Variants in ELMO2 observed in about 807,000 individuals in gnomAD.
The protein encoded by ELMO2 is engulfment and cell motility protein 2.
Under a neutral mutation model 96.2 loss-of-function variants are expected in ELMO2, and 37 were observed. The observed-to-expected ratio is 0.38, with a 90% CI of 0.30 to 0.51. ELMO2 has a LOEUF of 0.51. Among genes scored for constraint, ELMO2 ranks in the 20% least tolerant of loss-of-function variants. The pLI is 0.88. For missense variants in ELMO2, 561 were observed against 912.6 expected (o/e 0.61, Z 4.96); for synonymous variants, 315 against 329.4 (o/e 0.96, Z 0.47).
chr20:46,377,620 ACC>A (rs1364115504), intron 11 of ELMO2, among the ~76,000 whole-genome samples: 7 of 152,236 alleles, frequency 4.6e-5, no homozygotes, highest in Admixed American at 2.0e-4. Flanking sequence ...ACTGGTGGCC[ACC>A]ATTGTGGACA....
At position 46,375,214 on chromosome 20, in the gene ELMO2, G is replaced by C. The variant is rs112325219; in HGVS notation, c.1065+22C>G. 6 of 1,610,822 alleles carry C rather than the reference G, an allele frequency of 3.7e-6. No individual in the cohort carries two copies. In the Admixed American group the frequency reaches 1.0e-4, roughly 27 times the overall value. On this transcript the variant is annotated intron_variant, in intron 13 of 21. Coordinates refer to ENST00000290246, the MANE Select transcript of ELMO2 (RefSeq NM_133171.5). This position sits in a 1 kb window ranked among gnomAD's most constrained non-coding sequence, Gnocchi z 4.6. ...CCATCAGGGGAGAGGGCCTACCACC[G>C]TCTATGCTCTGAGGTACTTACGGTA...
At chr20:46,388,253 T>G (rs1403004457) in intron 7 of ELMO2, among the ~76,000 whole-genome samples, 1 of 152,216 alleles carries the variant, frequency 6.6e-6, no homozygotes, top group Non-Finnish European at 1.5e-5. Context: ...ATGTCAGTGC[T>G]GATGGCAGCT....
chr20:46,378,668 T>C (rs1332591614), intron 11 of ELMO2, among the ~76,000 whole-genome samples: 1 of 152,236 alleles, frequency 6.6e-6, no homozygotes, highest in African/African-American at 2.4e-5. Flanking sequence ...TTAGAGCAGC[T>C]GACTGCTCAG....
intron 2 of ELMO2, among the ~76,000 whole-genome samples, chr20:46,397,301 C>T (rs2060262240): frequency 6.6e-6 from 1 of 152,212 alleles, no homozygotes; most frequent in Non-Finnish European, 1.5e-5. Context: ...TCTCCACAAC[C>T]CTGCCATAGC....
intron 1 of ELMO2, among the ~76,000 whole-genome samples, chr20:46,404,014 G>A (rs768213878): frequency 1.3e-5 from 2 of 152,162 alleles, no homozygotes; most frequent in Non-Finnish European, 2.9e-5. Context: ...AACGTGGGAG[G>A]TGGAGGTTGC....
intron 1 of ELMO2, among the ~76,000 whole-genome samples, chr20:46,403,965 T>A (rs1600902812): frequency 6.6e-6 from 1 of 152,076 alleles, no homozygotes; most frequent in South Asian, 2.1e-4. Context: ...GCACCTGTAA[T>A]CCCAGCCACT....
At chr20:46,387,716 A>G (rs1181333725) in intron 7 of ELMO2, 4 of 321,086 alleles carry the variant, frequency 1.2e-5, no homozygotes, top group Non-Finnish European at 2.3e-5. Context: ...AGAATCACTT[A>G]TCTATTTCCC....
At chr20:46,402,537 T>C (rs965147158) in intron 1 of ELMO2, among the ~76,000 whole-genome samples, 1 of 152,166 alleles carries the variant, frequency 6.6e-6, no homozygotes. Flanking sequence ...AATTAAACTT[T>C]AGAAAACCGT....
chr20:46,369,890 C>T (rs1264088157), intron 20 of ELMO2: 101 of 44,278 alleles, frequency 2.3e-3, no homozygotes, highest in Admixed American at 5.3e-3. Flanking sequence ...GATGGGGGGG[C>T]GGGGGAACTT....
At chr20:46,393,199 C>T in intron 5 of ELMO2, 56 bp from the exon 6 acceptor site, 1 of 1,534,558 alleles carries the variant, frequency 6.5e-7, no homozygotes, top group Non-Finnish European at 9.0e-7. Context: ...TAAAGTGGTA[C>T]AAGCAAGTTG....
rs557461954 is a variant in ELMO2, at chr20:46,381,679, T to G, written c.757-1376A>C. ...ATATAAAGGTCTTAGACCAAAAGCT[T>G]CTCTGTGGTGTCAGGGGGAGGCACT... is the stretch of plus-strand genomic sequence containing the variant. On this transcript the variant is annotated intron_variant, in intron 10 of 21. Transcript: ENST00000290246. Among the ~76,000 whole-genome samples the G allele has an allele frequency of 3.9e-4, 59 of 152,194 alleles. 1 individual carries two copies. The South Asian group carries it at 0.011, about 29-fold the overall frequency.
intron 1 of ELMO2, among the ~76,000 whole-genome samples, chr20:46,402,697 C>G (rs73299616): frequency 0.013 from 1,920 of 152,298 alleles, 32 homozygotes; most frequent in African/African-American, 0.044. Flanking sequence ...AGGCCAAGCC[C>G]TTTCATTACA....
chr20:46,373,724 C>T (rs1225237256), intron 15 of ELMO2, among the ~76,000 whole-genome samples, 189 bp from the exon 16 acceptor site: 1 of 152,130 alleles, frequency 6.6e-6, no homozygotes. Context: ...TTCTTGCCTT[C>T]CCTCTACCCT....
chr20:46,385,171 A>T (rs559656679), intron 9 of ELMO2, among the ~76,000 whole-genome samples: 2 of 152,306 alleles, frequency 1.3e-5, no homozygotes, highest in South Asian at 4.1e-4. Flanking sequence ...CAACATTCTG[A>T]CAATGTCTAA....
At chr20:46,373,234 C>T (rs2059767023) in intron 16 of ELMO2, 165 bp downstream of exon 16, 4 of 877,614 alleles carry the variant, frequency 4.6e-6, no homozygotes, top group African/African-American at 1.7e-5. Flanking sequence ...GAGGGAGCAA[C>T]AACCAGATGG....
rs1321517476 is a variant in ELMO2, at chr20:46,375,047, A to G, written c.1065+189T>C. ...CAGATGGATTCGTTTCACAGGGCCA[A>G]ACTTTGCACATAAACTCACAGACTC... On this transcript the variant is annotated intron_variant, in intron 13 of 21. Transcript: ENST00000290246. The surrounding 1 kb of genome is among the most constrained non-coding windows in gnomAD (Gnocchi z 4.6). Among the ~76,000 whole-genome samples the G allele has an allele frequency of 1.3e-5, 2 of 152,152 alleles. No homozygotes were observed. Among genetic ancestry groups the G allele is most frequent in the Non-Finnish European group, 2.9e-5 (2 of 68,004 alleles).
rs969591762 is a variant in ELMO2 at position 46,370,357 on chromosome 20, C to T, written c.1884+86G>A. On this transcript the variant is annotated intron_variant, in intron 20 of 21. Transcript: ENST00000290246. ...ATTCAGGAATAGAGAGGGGAAGATGCCAAGAATGCACCTGGAAAAAACCAC... is the reference window on the plus strand; with the variant it reads ...ATTCAGGAATAGAGAGGGGAAGATGTCAAGAATGCACCTGGAAAAAACCAC... 2.5e-6 allele frequency: 3 copies of T among 1,197,732 alleles called. No individual in the cohort carries two copies. In the African/African-American group the frequency reaches 4.5e-5, roughly 18 times the overall value. The allele number at this position is 1,197,732 out of a possible 1,614,324, so 74.2% of individuals were successfully genotyped here.
At chr20:46,376,680 T>C in intron 11 of ELMO2, 1 of 1,289,572 alleles carries the variant, frequency 7.8e-7, no homozygotes, top group Non-Finnish European at 1.0e-6. Context: ...CCCTTGTATT[T>C]GTCACTCCCT....
Position 46,389,112 on chromosome 20 carries a change from T to C in ELMO2, c.352A>G (p.Thr118Ala), listed in dbSNP as rs754772676. Residue 118 changes from threonine to alanine, a missense_variant, in exon 7 of 22, where the codon ACT (threonine) becomes GCT (alanine). Coordinates refer to ENST00000290246, the MANE Select transcript of ELMO2 (RefSeq NM_133171.5). ...ATGCCATCCATGTTGATGAACTCAG[T>C]AGCGAAAGTCACGTCGGCAGAGAGC... ...AKLSADVTFA[T>A]EFINMDGIIV... The C allele has an allele frequency of 6.2e-7, 1 of 1,614,044 alleles. No individual in the cohort carries two copies. The highest frequency in any genetic ancestry group is 8.5e-7 in the Non-Finnish European group (1 of 1,179,960).
Sources: allele counts gnomAD v4.1 joint callset (sites outside exome capture counted in the v4.1 genomes callset), GRCh38; gene constraint gnomAD v4.1.1; non-coding constraint Gnocchi (gnomAD v3.1); transcripts MANE v1.5; gene names NCBI Gene and HGNC (gene_info 2026-07-23, HGNC 2026-07-21).